NOTCH1: variants seen among roughly 807,000 people sequenced by gnomAD.
NOTCH1 encodes the protein neurogenic locus notch homolog protein 1.
Under a neutral mutation model 254.8 loss-of-function variants are expected in NOTCH1, and 37 were observed. The observed-to-expected ratio is 0.15, with a 90% CI of 0.11 to 0.19. NOTCH1 has a LOEUF of 0.19. NOTCH1 is among the 10% of genes least tolerant of loss of function. The pLI is 1.00. For missense variants in NOTCH1, 2,972 were observed against 3,708.6 expected (o/e 0.80, Z 5.16); for synonymous variants, 1,731 against 1,618.1 (o/e 1.07, Z -1.68).
chr9:136,498,164 A>G (rs896759950), intron 33 of NOTCH1, among the ~76,000 whole-genome samples: 4 of 148,754 alleles, frequency 2.7e-5, no homozygotes, highest in Admixed American at 6.7e-5. Flanking sequence ...CCCGGTGCCC[A>G]GGCCCGCTGT....
chr9:136,521,729 G>A (rs942598490), intron 4 of NOTCH1, among the ~76,000 whole-genome samples: 1 of 152,214 alleles, frequency 6.6e-6, no homozygotes, highest in Non-Finnish European at 1.5e-5. Flanking sequence ...TGCAGGAAAC[G>A]CACACGTCTG....
Position 136,496,367 on chromosome 9 carries a change from G to T in NOTCH1, c.7372C>A (p.Pro2458Thr), listed in dbSNP as rs752802795. Residue 2458 changes from proline (P) to threonine (T), a missense_variant, in exon 34 of 34, where the codon CCC becomes ACC. Physicochemically the swap from Pro to Thr is conservative, Grantham distance 38 (BLOSUM62 -1). Coordinates refer to ENST00000651671, the MANE Select transcript of NOTCH1 (RefSeq NM_017617.5). ...PSSLAVHTIL[P>T]QESPALPTSL... Reference sequence around the variant, plus strand: ...GTGGGCAGGGCGGGGCTCTCCTGGGGCAGAATAGTGTGCACCGCCAGGCTG... The same window carrying T: ...GTGGGCAGGGCGGGGCTCTCCTGGGTCAGAATAGTGTGCACCGCCAGGCTG... The T allele has an allele frequency of 1.4e-4, 218 of 1,594,360 alleles. No homozygotes were observed. The highest frequency in any genetic ancestry group is 1.8e-4 in the Non-Finnish European group (214 of 1,175,488).
At chr9:136,542,571 T>C (rs1259386991) in intron 2 of NOTCH1, among the ~76,000 whole-genome samples, 9 of 131,232 alleles carry the variant, frequency 6.9e-5, no homozygotes, top group Middle Eastern at 4.3e-3. Flanking sequence ...AAAAAAGTAG[T>C]GCGCATTCAT....
At chr9:136,507,621 G>C (rs559192238) in intron 21 of NOTCH1, among the ~76,000 whole-genome samples, 184 bp from the exon 22 acceptor site, 1 of 152,190 alleles carries the variant, frequency 6.6e-6, no homozygotes, top group Non-Finnish European at 1.5e-5. Context: ...GCGGGGCCTC[G>C]GTGACCGGAG....
At chr9:136,536,365 C>T (rs532760478) in intron 2 of NOTCH1, among the ~76,000 whole-genome samples, 1 of 152,314 alleles carries the variant, frequency 6.6e-6, no homozygotes, top group East Asian at 1.9e-4. Flanking sequence ...CTAGCTCTCT[C>T]CTGTCACACG....
intron 4 of NOTCH1, chr9:136,522,612 A>T: frequency 1.9e-6 from 1 of 515,382 alleles, no homozygotes. Flanking sequence ...GAGTTCCGGG[A>T]AACTCCAGAG....
Position 136,506,922 on chromosome 9 carries a change from A to G in NOTCH1, c.3695T>C (p.Val1232Ala), listed in dbSNP as rs1320653846. 6.2e-7 allele frequency: 1 copy of G among 1,611,288 alleles called. No individual in the cohort carries two copies. Among genetic ancestry groups the G allele is most frequent in the African/African-American group, 1.3e-5 (1 of 74,878 alleles). ...GTTAAAGCACTTGGGGCTCCGGGAC[A>G]CGGGGTCAACGGGGGGATTGCAGTC... Reference protein sequence around the residue: ...VDDCNPPVDPVSRSPKCFNNG... With the variant: ...VDDCNPPVDPASRSPKCFNNG... Residue 1232 changes from valine (V) to alanine (A), a missense_variant, in exon 23 of 34, where the codon GTG becomes GCG. Coordinates refer to ENST00000651671, the MANE Select transcript of NOTCH1 (RefSeq NM_017617.5). The surrounding 1 kb of genome is among the most constrained non-coding windows in gnomAD (Gnocchi z 4.5).
chr9:136,497,659 G>A (rs1409203288), intron 33 of NOTCH1, 101 bp from the exon 34 acceptor site: 8 of 993,366 alleles, frequency 8.1e-6, no homozygotes, highest in Admixed American at 2.6e-5. Context: ...AACCTCCTCC[G>A]CGGGGTGGGG....
At position 136,531,092 on chromosome 9, in the gene NOTCH1, C is replaced by T. The variant is rs148584923; in HGVS notation, c.141-7113G>A. On this transcript the variant is annotated intron_variant, in intron 2 of 33. Transcript: ENST00000651671. The stretch of plus-strand genomic sequence containing the variant: ...CCGGAGGTGCTGACTCCATGTCCAG[C>T]GTCCTTGTTAAGAATGCTGCAGGGA... 2.7e-3 allele frequency among the ~76,000 whole-genome samples: 412 copies of T among 152,348 alleles called. 2 individuals carry two copies. The highest frequency in any genetic ancestry group is 9.4e-3 in the African/African-American group (389 of 41,580).
rs1174580442 is a variant in NOTCH1, at chr9:136,505,806, T to C, written c.4090A>G (p.Ile1364Val). The change falls in exon 25 of 34, where the codon ATC becomes GTC. Residue 1364 changes from isoleucine to valine, a missense_variant. Around this residue, in one of 8 missense-constraint regions of NOTCH1, gnomAD observed 1,343 missense variants for 1,557.0 expected, o/e 0.86. Transcript: ENST00000651671. ...SLRCLNGGTC[I>V]SGPRSPTCLC... is the part of the protein sequence containing the mutation. ...CAGGTGGGGCTGCGCGGGCCGGAGA[T>C]GCATGTGCCGCCGTTGAGGCAGCGC... 1.3e-6 allele frequency: 2 copies of C among 1,589,226 alleles called. No individual in the cohort carries two copies. Among genetic ancestry groups the C allele is most frequent in the East Asian group, 2.2e-5 (1 of 44,554 alleles).
intron 6 of NOTCH1, 84 bp downstream of exon 6, chr9:136,518,499 TGCAGGAGG>T (rs1255106594): frequency 7.9e-7 from 1 of 1,259,120 alleles, no homozygotes; most frequent in East Asian, 2.5e-5. Context: ...TTATCCTGGG[TGCAGGAGG>T]GCCACAGTCC....
At chr9:136,510,523 A>C in intron 17 of NOTCH1, 130 bp downstream of exon 17, 1 of 1,281,356 alleles carries the variant, frequency 7.8e-7, no homozygotes, top group African/African-American at 1.5e-5. Context: ...CCCACACCTG[A>C]CCCAACCCTC....
chr9:136,509,345 A>T (rs1843141016), intron 18 of NOTCH1, among the ~76,000 whole-genome samples: 1 of 152,238 alleles, frequency 6.6e-6, no homozygotes, highest in Non-Finnish European at 1.5e-5. Flanking sequence ...AAAGTAAATG[A>T]GGGAGAAACC....
At chr9:136,531,943 C>T (rs1433568677) in intron 2 of NOTCH1, among the ~76,000 whole-genome samples, 2 of 152,244 alleles carry the variant, frequency 1.3e-5, no homozygotes, top group African/African-American at 2.4e-5. Flanking sequence ...AGGAATCCTC[C>T]TCTCGGAACA....
chr9:136,517,186 G>T, intron 9 of NOTCH1, 86 bp downstream of exon 9: 1 of 848,836 alleles, frequency 1.2e-6, no homozygotes, highest in Non-Finnish European at 1.9e-6. Flanking sequence ...ATGGCCCGGG[G>T]GCAGGGGACA....
intron 2 of NOTCH1, among the ~76,000 whole-genome samples, chr9:136,531,433 G>A (rs988713867): frequency 5.9e-5 from 9 of 152,196 alleles, no homozygotes; most frequent in South Asian, 2.1e-4. Context: ...GGAGGAAGGC[G>A]CGTGTCCCCC....
intron 2 of NOTCH1, among the ~76,000 whole-genome samples, chr9:136,534,145 G>A (rs992618634): frequency 1.3e-5 from 2 of 152,190 alleles, no homozygotes; most frequent in Admixed American, 6.5e-5. Context: ...CAAACCCGGT[G>A]CATCCTGCAG....
intron 27 of NOTCH1, chr9:136,502,860 CT>C (rs992167533): frequency 1.3e-4 from 76 of 566,324 alleles, no homozygotes; most frequent in Non-Finnish European, 1.7e-4. Flanking sequence ...CTCTCTCTCT[CT>C]TTTTTTTTCT....
rs780257585 is a variant in NOTCH1 at position 136,498,960 on chromosome 9, T to C, written c.6119A>G (p.Asn2040Ser). ...SALHWAAAVN[N>S]VDAAVVLLKN... The stretch of plus-strand genomic sequence containing the variant: ...CAGGAGCACAACTGCGGCATCCACA[T>C]TGTTCACGGCGGCGGCCCAGTGCAG... The change falls in exon 33 of 34, where the codon AAT becomes AGT. Residue 2040 changes from asparagine (N) to serine (S), a missense_variant. Asn to Ser is a conservative substitution (Grantham distance 46). This residue lies in a region of NOTCH1 where 421 missense variants were observed against 604.4 expected (regional missense o/e 0.70). Coordinates refer to ENST00000651671, the MANE Select transcript of NOTCH1 (RefSeq NM_017617.5). 10 of 1,613,582 alleles carry C rather than the reference T, an allele frequency of 6.2e-6. No individual in the cohort carries two copies. The highest frequency in any genetic ancestry group is 2.2e-5 in the East Asian group (1 of 44,896).
Sources: gnomAD v4.1 joint callset for allele counts (sites outside exome capture counted in the v4.1 genomes callset) on GRCh38, gnomAD v4.1.1 for gene constraint, gnomAD v4.1.1 regional missense constraint, Gnocchi (gnomAD v3.1) non-coding constraint, MANE v1.5 for transcripts, NCBI Gene and HGNC (gene_info 2026-07-23, HGNC 2026-07-21) for gene names.